Variants in SLCO5A1 observed in about 807,000 individuals in gnomAD.
SLCO5A1 encodes the protein solute carrier organic anion transporter family member 5A1.
A neutral mutation model predicts 65.1 loss-of-function variants in SLCO5A1; 39 were observed. The observed-to-expected ratio is 0.60, with a 90% CI of 0.46 to 0.78. SLCO5A1 has a LOEUF of 0.78. Ranked by LOEUF, SLCO5A1 falls within the 30% of genes least tolerant of loss-of-function variation. SLCO5A1 has a pLI of 0.00. For missense variants in SLCO5A1, 1,029 were observed against 1,069.4 expected (o/e 0.96, Z 0.53); for synonymous variants, 438 against 415.7 (o/e 1.05, Z -0.65).
intron 2 of SLCO5A1, among the ~76,000 whole-genome samples, chr8:69,831,060 G>A (rs1423676880): frequency 6.6e-6 from 1 of 152,132 alleles, no homozygotes; most frequent in Non-Finnish European, 1.5e-5. Context: ...ATCACCTGAG[G>A]TCAAGAGTTC....
At chr8:69,683,393 T>C (rs1348547305) in intron 6 of SLCO5A1, among the ~76,000 whole-genome samples, 2 of 152,138 alleles carry the variant, frequency 1.3e-5, no homozygotes, top group East Asian at 1.9e-4. Flanking sequence ...ACGTACCAGG[T>C]CTTATCTTTT....
At chr8:69,782,252 C>T (rs1364791013) in intron 2 of SLCO5A1, among the ~76,000 whole-genome samples, 1 of 151,682 alleles carries the variant, frequency 6.6e-6, no homozygotes, top group Admixed American at 6.6e-5. Flanking sequence ...AATAAATAAA[C>T]ATCAAAAATT....
chr8:69,778,257 G>A (rs1226364595), intron 2 of SLCO5A1, among the ~76,000 whole-genome samples: 1 of 151,774 alleles, frequency 6.6e-6, no homozygotes, highest in East Asian at 1.9e-4. Context: ...GTGTGTGTGT[G>A]TGTGCATATA....
At chr8:69,735,299 G>A (rs1222502837) in intron 5 of SLCO5A1, among the ~76,000 whole-genome samples, 1 of 152,126 alleles carries the variant, frequency 6.6e-6, no homozygotes, top group Non-Finnish European at 1.5e-5. Flanking sequence ...ACACCATTTG[G>A]CCCAGCGATC....
At chr8:69,687,199 T>C (rs1044046956) in intron 6 of SLCO5A1, among the ~76,000 whole-genome samples, 5 of 152,170 alleles carry the variant, frequency 3.3e-5, no homozygotes, top group South Asian at 2.1e-4. Flanking sequence ...AAGAACTAGA[T>C]GGAGATCTAG....
At chr8:69,743,853 G>A (rs1816908848) in intron 4 of SLCO5A1, among the ~76,000 whole-genome samples, 1 of 152,180 alleles carries the variant, frequency 6.6e-6, no homozygotes, top group Admixed American at 6.5e-5. Flanking sequence ...AAACCCCTTG[G>A]CTTTGTTTCC....
At chr8:69,779,308 C>A (rs1319173684) in intron 2 of SLCO5A1, among the ~76,000 whole-genome samples, 1 of 152,082 alleles carries the variant, frequency 6.6e-6, no homozygotes, top group South Asian at 2.1e-4. Flanking sequence ...AGACGCATAT[C>A]TGAAAAAGCC....
At chr8:69,706,108 G>C (rs1194274259) in intron 5 of SLCO5A1, among the ~76,000 whole-genome samples, 1 of 152,180 alleles carries the variant, frequency 6.6e-6, no homozygotes, top group African/African-American at 2.4e-5. Flanking sequence ...TAAATGGAAA[G>C]AAACATAGCT....
chr8:69,773,029 C>T, intron 2 of SLCO5A1: 1 of 912,620 alleles, frequency 1.1e-6, no homozygotes. Flanking sequence ...ACAGAGAAGG[C>T]TTCATGGATG....
intron 6 of SLCO5A1, among the ~76,000 whole-genome samples, chr8:69,695,721 G>A (rs1031772864): frequency 1.3e-5 from 2 of 152,174 alleles, no homozygotes; most frequent in African/African-American, 2.4e-5. Flanking sequence ...ACAATGGTAT[G>A]TAATTTTTTT....
At chr8:69,771,574 C>T (rs1818325670) in intron 2 of SLCO5A1, among the ~76,000 whole-genome samples, 2 of 152,086 alleles carry the variant, frequency 1.3e-5, no homozygotes, top group African/African-American at 4.8e-5. Flanking sequence ...TCTTGTTTAA[C>T]AGTGTTTATC....
chr8:69,673,089 G>T lies in SLCO5A1; in HGVS notation c.2327C>A (p.Pro776His), dbSNP rs201712813. The T allele has an allele frequency of 1.9e-6, 3 of 1,614,220 alleles. No homozygotes were observed. The highest frequency in any genetic ancestry group is 1.1e-5 in the South Asian group (1 of 91,090). ...CACTCTCTCACTCACGGTGCTCAGG[G>T]GAAATTCTCTCTGCCTCCGCCTCTG... ...GLQRRRQREF[P>H]LSTVSERVGH... The change falls in exon 10 of 10, where the codon CCC (proline) becomes CAC (histidine). Residue 776 changes from proline to histidine, a missense_variant. By Grantham distance (77) the Pro-to-His change is moderately conservative. Transcript: ENST00000260126.
chr8:69,688,110 G>A (rs183587819), intron 6 of SLCO5A1, among the ~76,000 whole-genome samples: 42 of 151,866 alleles, frequency 2.8e-4, no homozygotes, highest in Middle Eastern at 3.4e-3. Flanking sequence ...CTCCTAAAAC[G>A]AAGTAAAACA....
chr8:69,678,808 A>AAG (rs1813648915), intron 8 of SLCO5A1, among the ~76,000 whole-genome samples: 1 of 151,976 alleles, frequency 6.6e-6, no homozygotes, highest in African/African-American at 2.4e-5. Flanking sequence ...CTGAAAAAAA[A>AAG]AAAAAGGGAG....
intron 2 of SLCO5A1, among the ~76,000 whole-genome samples, chr8:69,772,721 G>A (rs528160274): frequency 6.6e-6 from 1 of 152,088 alleles, no homozygotes; most frequent in East Asian, 1.9e-4. Flanking sequence ...CTGGACGTGG[G>A]AAACTGAGGG....
intron 6 of SLCO5A1, among the ~76,000 whole-genome samples, chr8:69,690,964 C>T (rs1269528307): frequency 1.3e-5 from 2 of 152,190 alleles, no homozygotes; most frequent in African/African-American, 4.8e-5. Context: ...CAGCACATAG[C>T]ACTGGTTAAA....
At chr8:69,818,589 T>A (rs1820501587) in intron 2 of SLCO5A1, among the ~76,000 whole-genome samples, 1 of 152,202 alleles carries the variant, frequency 6.6e-6, no homozygotes, top group East Asian at 1.9e-4. Context: ...AAAAGGCTGA[T>A]CTCTGTTATT....
At chr8:69,806,607 C>A (rs774784773) in intron 2 of SLCO5A1, among the ~76,000 whole-genome samples, 1 of 152,230 alleles carries the variant, frequency 6.6e-6, no homozygotes, top group Non-Finnish European at 1.5e-5. Flanking sequence ...CGTGCAGGAG[C>A]AAGCCTAACA....
intron 2 of SLCO5A1, among the ~76,000 whole-genome samples, chr8:69,774,127 C>A (rs1167583590): frequency 6.6e-6 from 1 of 152,188 alleles, no homozygotes; most frequent in East Asian, 1.9e-4. Flanking sequence ...CACTAATAAG[C>A]CTTTATTGAA....
Sources: gnomAD v4.1 joint callset for allele counts (sites outside exome capture counted in the v4.1 genomes callset) on GRCh38, gnomAD v4.1.1 for gene constraint, MANE v1.5 for transcripts, NCBI Gene and HGNC (gene_info 2026-07-23, HGNC 2026-07-21) for gene names.